Variants in CLEC2B observed in about 807,000 individuals in gnomAD.
CLEC2B encodes the protein C-type (calcium dependent, carbohydrate-recognition domain) lectin, superfamily member 2 (activation-induced).
In CLEC2B, 14 loss-of-function variants were observed where a neutral mutation model predicts 16.2. The observed-to-expected ratio is 0.86, with a 90% CI of 0.57 to 1.35. The LOEUF (loss-of-function observed/expected upper bound fraction) is 1.35, where lower values mean the gene tolerates loss of function less well. Among genes scored for constraint, CLEC2B ranks in the 40% most tolerant of loss-of-function variants. The pLI is 0.00. For synonymous variants in CLEC2B, 42 were observed against 55.8 expected (o/e 0.75, Z 1.10); for missense variants, 166 against 182.3 (o/e 0.91, Z 0.52).
At position 9,862,590 on chromosome 12, in the gene CLEC2B, A is replaced by C; in HGVS notation, c.-2-17T>G. On this transcript the variant is annotated splice_polypyrimidine_tract_variant and intron_variant, in intron 1 of 4. Transcript: ENST00000228438. ...TCATCATACCTGAAAAATAAAAATA[A>C]AGACATTTAGGAGACTTCTGGCTCC... The C allele has an allele frequency of 6.9e-7, 1 of 1,443,160 alleles. No homozygotes were observed. Among genetic ancestry groups the C allele is most frequent in the Non-Finnish European group, 9.2e-7 (1 of 1,085,762 alleles). 89.4% of individuals were successfully genotyped at this position (1,443,160 alleles called of 1,614,324 possible). A position where few individuals can be genotyped will look rare whatever the true frequency, so the allele number is the denominator to read the frequency against.
intron 2 of CLEC2B, among the ~76,000 whole-genome samples, chr12:9,859,879 T>C (rs1208738417): frequency 6.6e-6 from 1 of 151,766 alleles, no homozygotes; most frequent in Non-Finnish European, 1.5e-5. Flanking sequence ...ATCACAGAAA[T>C]TGAAGATTAT....
At chr12:9,862,800 T>TTCCATA (rs200739391) in intron 1 of CLEC2B, among the ~76,000 whole-genome samples, 4,008 of 152,128 alleles carry the variant, frequency 0.026, 67 homozygotes, top group Middle Eastern at 0.048. Flanking sequence ...AGAATTAGAC[T>TTCCATA]TCCATATCCA....
chr12:9,866,012 A>G lies in CLEC2B; in HGVS notation c.-3+3193T>C, dbSNP rs560509807. ...GGAATGCAGAAAAGCAGTACAAAGAAGGAAGTTTATAGTAATAAATGCCTT... is the reference window on the plus strand; with the variant it reads ...GGAATGCAGAAAAGCAGTACAAAGAGGGAAGTTTATAGTAATAAATGCCTT... On this transcript the variant is annotated intron_variant, in intron 1 of 4. Transcript: ENST00000228438. 9.9e-5 allele frequency among the ~76,000 whole-genome samples: 15 copies of G among 152,280 alleles called. No homozygotes were observed. In the South Asian group the frequency reaches 3.1e-3, roughly 32 times the overall value.
chr12:9,863,780 G>A (rs1398855530), intron 1 of CLEC2B, among the ~76,000 whole-genome samples: 1 of 151,978 alleles, frequency 6.6e-6, no homozygotes, highest in East Asian at 1.9e-4. Context: ...AAAAAGGAAG[G>A]AAGAATGCCA....
chr12:9,865,119 G>A (rs976744217), intron 1 of CLEC2B, among the ~76,000 whole-genome samples: 5 of 149,912 alleles, frequency 3.3e-5, no homozygotes, highest in African/African-American at 1.2e-4. Flanking sequence ...GGAGTTGGAG[G>A]CTGCAGTGAT....
At chr12:9,854,707 T>G (rs1341550634) in intron 3 of CLEC2B, 1 of 502,786 alleles carries the variant, frequency 2.0e-6, no homozygotes, top group Non-Finnish European at 3.5e-6. Flanking sequence ...TTAGATATGA[T>G]TCCAAATTGA....
intron 2 of CLEC2B, 115 bp downstream of exon 2, chr12:9,862,384 T>G (rs1867939555): frequency 6.4e-6 from 6 of 944,100 alleles, no homozygotes; most frequent in Non-Finnish European, 8.7e-6. Flanking sequence ...CAATTAAATG[T>G]TATCATGTAT....
At chr12:9,855,161 A>T (rs1342236452) in intron 3 of CLEC2B, among the ~76,000 whole-genome samples, 1 of 152,044 alleles carries the variant, frequency 6.6e-6, no homozygotes, top group African/African-American at 2.4e-5. Context: ...TCTGCTACTA[A>T]ATAGCTTGGA....
At chr12:9,853,432 A>G in intron 4 of CLEC2B, 24 bp from the exon 5 acceptor site, 1 of 1,576,942 alleles carries the variant, frequency 6.3e-7, no homozygotes, top group Non-Finnish European at 8.7e-7. Flanking sequence ...ATTAACCATT[A>G]TGTAGTCATG....
chr12:9,862,685 G>A, intron 1 of CLEC2B, 112 bp from the exon 2 acceptor site: 6 of 868,776 alleles, frequency 6.9e-6, no homozygotes, highest in Non-Finnish European at 9.4e-6. Flanking sequence ...TATTAGTGCT[G>A]TGATTATCCC....
intron 4 of CLEC2B, among the ~76,000 whole-genome samples, chr12:9,854,172 TAG>T (rs1867875050): frequency 6.6e-6 from 1 of 152,154 alleles, no homozygotes; most frequent in Non-Finnish European, 1.5e-5. Flanking sequence ...ATTTTCAAAA[TAG>T]CCAACTAGGA....
In CLEC2B at chr12:9,866,141, G is replaced by A. The variant is rs967102133; in HGVS notation, c.-3+3064C>T. 4.6e-5 allele frequency among the ~76,000 whole-genome samples: 7 copies of A among 152,196 alleles called. No individual in the cohort carries two copies. In the East Asian group the frequency reaches 1.2e-3, roughly 25 times the overall value. On this transcript the variant is annotated intron_variant, in intron 1 of 4. Coordinates refer to ENST00000228438, the MANE Select transcript of CLEC2B (RefSeq NM_005127.3). ...CCCCAAATTAGTAGAAAAAAGAAGT[G>A]TTAAAAAATCAAGCTCTTTCTGATG... is the stretch of plus-strand genomic sequence containing the variant.
Position 9,857,504 on chromosome 12 carries a change from G to A in CLEC2B, c.207C>T (p.Asp69=), listed in dbSNP as rs747807199. The A allele has an allele frequency of 2.9e-5, 47 of 1,609,876 alleles. No homozygotes were observed. Among genetic ancestry groups the A allele is most frequent in the Non-Finnish European group, 3.9e-5 (46 of 1,176,944 alleles). Residue 69 remains aspartate, a synonymous_variant, in exon 3 of 5, where the codon GAC becomes GAT. Transcript: ENST00000228438. ...SKYNCSTQHA[D]LTIIDNIEEM... ...CTTCTATGTTGTCAATTATAGTTAGGTCGGCATGTTGAGTGGAACAGTTGT... is the reference window on the plus strand; with the variant it reads ...CTTCTATGTTGTCAATTATAGTTAGATCGGCATGTTGAGTGGAACAGTTGT...
chr12:9,864,559 G>A (rs918771306), intron 1 of CLEC2B, among the ~76,000 whole-genome samples: 1 of 152,190 alleles, frequency 6.6e-6, no homozygotes, highest in Non-Finnish European at 1.5e-5. Context: ...AAAAATGTGT[G>A]AGGGTGGAGT....
intron 2 of CLEC2B, among the ~76,000 whole-genome samples, chr12:9,861,180 A>G (rs1867930050): frequency 6.6e-6 from 1 of 152,036 alleles, no homozygotes; most frequent in African/African-American, 2.4e-5. Flanking sequence ...CAATACCTAT[A>G]AACTACAAAG....
At chr12:9,866,290 A>T (rs1441559460) in intron 1 of CLEC2B, among the ~76,000 whole-genome samples, 3 of 152,160 alleles carry the variant, frequency 2.0e-5, no homozygotes, top group African/African-American at 7.2e-5. Context: ...GAATCAAGTA[A>T]ATATGTCAGT....
At chr12:9,856,793 A>G (rs2136977596) in intron 3 of CLEC2B, 1 of 152,238 alleles carries the variant, frequency 6.6e-6, no homozygotes, top group African/African-American at 2.4e-5. Flanking sequence ...GACTAGGGGA[A>G]AGAACAAATT....
At chr12:9,862,718 T>C in intron 1 of CLEC2B, 145 bp from the exon 2 acceptor site, 1 of 697,822 alleles carries the variant, frequency 1.4e-6, no homozygotes. Flanking sequence ...AGAATTCAAA[T>C]ATGAGAAGAA....
intron 1 of CLEC2B, among the ~76,000 whole-genome samples, chr12:9,863,156 A>G (rs1350807708): frequency 2.6e-5 from 4 of 151,978 alleles, no homozygotes; most frequent in Non-Finnish European, 5.9e-5. Flanking sequence ...TTCCCACACT[A>G]CTGGGATATC....
Sources: gnomAD v4.1 joint callset for allele counts (sites outside exome capture counted in the v4.1 genomes callset) on GRCh38, gnomAD v4.1.1 for gene constraint, MANE v1.5 for transcripts, NCBI Gene and HGNC (gene_info 2026-07-23, HGNC 2026-07-21) for gene names.